ZNF678: variants seen among roughly 807,000 people sequenced by gnomAD.
ZNF678 encodes the protein hypothetical protein MGC42493.
In ZNF678, 5 loss-of-function variants were observed where a neutral mutation model predicts 3.0. The ratio of observed to expected loss-of-function variants is 1.69; its 90% CI spans 0.88 to 3.56. The LOEUF (loss-of-function observed/expected upper bound fraction) is 3.56. Among genes scored for constraint, ZNF678 ranks in the 30% most tolerant of loss-of-function variants. ZNF678 has a pLI of 0.00. For missense variants in ZNF678, 593 were observed against 605.0 expected (o/e 0.98, Z 0.21); for synonymous variants, 218 against 199.6 (o/e 1.09, Z -0.78).
chr1:227,600,667 T>C (rs1457673478), intron 1 of ZNF678, among the ~76,000 whole-genome samples: 1 of 152,216 alleles, frequency 6.6e-6, no homozygotes, highest in African/African-American at 2.4e-5. Context: ...AAGTTCCATA[T>C]AGATGTTGAA....
chr1:227,608,713 C>T (rs371446202), intron 1 of ZNF678, among the ~76,000 whole-genome samples: 19 of 152,064 alleles, frequency 1.2e-4, no homozygotes, highest in Middle Eastern at 3.4e-3. Flanking sequence ...AGGCAACAAC[C>T]GAAAATGCTC....
intron 1 of ZNF678, among the ~76,000 whole-genome samples, chr1:227,573,379 C>T (rs960206642): frequency 2.0e-5 from 3 of 152,128 alleles, no homozygotes; most frequent in African/African-American, 4.8e-5. Flanking sequence ...GCAGCACTTA[C>T]GAATAAAAGC....
At chr1:227,635,496 G>A (rs1658651872) in intron 1 of ZNF678, among the ~76,000 whole-genome samples, 1 of 147,872 alleles carries the variant, frequency 6.8e-6, no homozygotes, top group Non-Finnish European at 1.5e-5. Flanking sequence ...CAGTTACCAG[G>A]TGAATTTAGG....
chr1:227,629,818 CT>C (rs895379386), intron 1 of ZNF678, among the ~76,000 whole-genome samples: 1 of 152,158 alleles, frequency 6.6e-6, no homozygotes, highest in Non-Finnish European at 1.5e-5. Flanking sequence ...TTCGGACAAT[CT>C]TTTTAATATG....
chr1:227,618,475 C>T (rs1282909900), intron 1 of ZNF678, among the ~76,000 whole-genome samples: 1 of 152,156 alleles, frequency 6.6e-6, no homozygotes, highest in Non-Finnish European at 1.5e-5. Flanking sequence ...AGACCTCAAG[C>T]TTTCATCTTA....
rs1349630211 is a variant in ZNF678, at chr1:227,660,326, G to T, written c.*4498G>T. ...ATGTTAAATATATACATCATTTTGT[G>T]TAACATAGACTTTTTAGCAATATTA... On this transcript the variant is annotated 3_prime_UTR_variant, in exon 4 of 4. Transcript: ENST00000343776. 6.6e-6 allele frequency: 1 copy of T among 150,988 alleles called. No individual in the cohort carries two copies. Among genetic ancestry groups the T allele is most frequent in the East Asian group, 1.9e-4 (1 of 5,142 alleles). 9.4% of individuals were successfully genotyped at this position (150,988 alleles called of 1,614,324 possible).
chr1:227,592,561 T>C (rs1422438699), intron 1 of ZNF678, among the ~76,000 whole-genome samples: 1 of 152,234 alleles, frequency 6.6e-6, no homozygotes, highest in African/African-American at 2.4e-5. Flanking sequence ...TTTCTTTAAC[T>C]CATGAAAAGC....
downstream of ZNF678, among the ~76,000 whole-genome samples, chr1:227,663,756 A>G (rs1659455360): frequency 6.6e-6 from 1 of 152,074 alleles, no homozygotes; most frequent in African/African-American, 2.4e-5. Context: ...TGAAAGCCAG[A>G]CTCCTTTGGG....
At chr1:227,598,949 T>C in intron 1 of ZNF678, 1 of 827,286 alleles carries the variant, frequency 1.2e-6, no homozygotes. Context: ...TTTCTTCCAG[T>C]TCTCATTCAT....
chr1:227,580,941 T>G (rs916969529), intron 1 of ZNF678, among the ~76,000 whole-genome samples: 6 of 151,796 alleles, frequency 4.0e-5, no homozygotes, highest in African/African-American at 1.4e-4. Flanking sequence ...AAAAAAAAAT[T>G]TTACCACAGA....
At position 227,567,264 on chromosome 1, in the gene ZNF678, C is replaced by A. The variant is rs78885639; in HGVS notation, c.-164+3540C>A. Among the ~76,000 whole-genome samples, 215 of 152,310 alleles carry A rather than the reference C, an allele frequency of 1.4e-3. 1 individual carries two copies. The East Asian group carries it at 0.029, about 21-fold the overall frequency. On this transcript the variant is annotated intron_variant, in intron 1 of 3. Coordinates refer to ENST00000343776, the MANE Select transcript of ZNF678 (RefSeq NM_001367909.1). ...TGAAATATAAAATGTAAGTGTCTTA[C>A]AATTTTATTCCCTTTTATAAACACT...
intron 1 of ZNF678, among the ~76,000 whole-genome samples, chr1:227,595,001 C>G (rs1431182995): frequency 6.6e-6 from 1 of 152,150 alleles, no homozygotes; most frequent in Non-Finnish European, 1.5e-5. Context: ...GGGTTAAGGA[C>G]TTTTGATAGG....
intron 1 of ZNF678, among the ~76,000 whole-genome samples, chr1:227,593,355 C>T (rs763158350): frequency 1.1e-4 from 16 of 152,280 alleles, no homozygotes; most frequent in South Asian, 4.2e-4. Context: ...TCTTTAACTT[C>T]GATGACCCTC....
At chr1:227,624,462 C>T (rs917021510) in intron 1 of ZNF678, among the ~76,000 whole-genome samples, 2 of 152,216 alleles carry the variant, frequency 1.3e-5, no homozygotes, top group African/African-American at 2.4e-5. Flanking sequence ...TTGCCACCTC[C>T]TTCCTCATCC....
chr1:227,665,191 C>G (rs1197907036), downstream of ZNF678, among the ~76,000 whole-genome samples: 2 of 152,142 alleles, frequency 1.3e-5, no homozygotes, highest in East Asian at 3.8e-4. Context: ...GCGTGGACTA[C>G]AGCTCAAACA....
intron 3 of ZNF678, among the ~76,000 whole-genome samples, chr1:227,652,838 T>C (rs1467695089): frequency 2.0e-5 from 3 of 152,144 alleles, no homozygotes; most frequent in East Asian, 3.8e-4. Context: ...TTTGTATATG[T>C]GTACATCTTT....
chr1:227,625,798 C>G (rs1190228072), intron 1 of ZNF678, among the ~76,000 whole-genome samples: 2 of 152,062 alleles, frequency 1.3e-5, no homozygotes, highest in East Asian at 3.9e-4. Context: ...TTTCTCTTGC[C>G]TGATCTTGAA....
chr1:227,569,027 T>A (rs73090987), intron 1 of ZNF678, among the ~76,000 whole-genome samples: 2,538 of 152,314 alleles, frequency 0.017, 59 homozygotes, highest in South Asian at 0.057. Context: ...GAGAGGGGAC[T>A]GAGGACTTAG....
chr1:227,664,383 G>A (rs1400489910), downstream of ZNF678, among the ~76,000 whole-genome samples: 3 of 152,076 alleles, frequency 2.0e-5, no homozygotes, highest in Admixed American at 6.5e-5. Context: ...TAATCTGCTT[G>A]TGTCCAGAAA....
Sources: gnomAD v4.1 joint callset for allele counts (sites outside exome capture counted in the v4.1 genomes callset) on GRCh38, gnomAD v4.1.1 for gene constraint, MANE v1.5 for transcripts, NCBI Gene and HGNC (gene_info 2026-07-23, HGNC 2026-07-21) for gene names.